The following SH3PXD2A variants were observed in gnomAD, a reference collection of about 807,000 sequenced individuals.
SH3PXD2A encodes the protein SH3 and PX domains 2A, also known as SH3 and PX domain-containing protein 2A.
Under a neutral mutation model 115.2 loss-of-function variants are expected in SH3PXD2A, and 32 were observed. The ratio of observed to expected loss-of-function variants is 0.28; its 90% CI spans 0.21 to 0.37. The LOEUF is 0.37. Ranked by LOEUF, SH3PXD2A falls within the 10% of genes least tolerant of loss-of-function variation. The pLI, the probability that SH3PXD2A is intolerant of heterozygous loss-of-function variation, is 1.00. For synonymous variants in SH3PXD2A, 610 were observed against 629.1 expected (o/e 0.97, Z 0.45); for missense variants, 1,328 against 1,498.7 (o/e 0.89, Z 1.88).
At chr10:103,752,819 G>C (rs1325869436) in intron 3 of SH3PXD2A, among the ~76,000 whole-genome samples, 2 of 152,132 alleles carry the variant, frequency 1.3e-5, no homozygotes, top group East Asian at 1.9e-4. Context: ...TCATAGGTTT[G>C]GGTTTCCAAA....
intron 2 of SH3PXD2A, among the ~76,000 whole-genome samples, chr10:103,793,318 T>A (rs979801296): frequency 6.6e-6 from 1 of 152,128 alleles, no homozygotes; most frequent in African/African-American, 2.4e-5. Flanking sequence ...AAAATATAAA[T>A]CTTGTTCTTG....
chr10:103,736,809 C>A, intron 3 of SH3PXD2A: 4 of 1,288,450 alleles, frequency 3.1e-6, no homozygotes, highest in Non-Finnish European at 4.0e-6. Flanking sequence ...TCTGTTGCCT[C>A]AGTCTACCTA....
At chr10:103,662,916 C>T (rs1248873043) in intron 7 of SH3PXD2A, among the ~76,000 whole-genome samples, 3 of 151,708 alleles carry the variant, frequency 2.0e-5, no homozygotes, top group African/African-American at 7.3e-5. Context: ...GCAATCCTCC[C>T]ACCTCAGCCT....
chr10:103,602,209 G>C lies in SH3PXD2A; in HGVS notation c.3009C>G (p.Leu1003=). The change falls in exon 15 of 15, where the codon CTC becomes CTG. Residue 1003 remains leucine, a synonymous_variant. Transcript: ENST00000369774. ...LSCALRRNES[L]TATDGLRGVR... Reference sequence around the variant, plus strand: ...CGCCTCGGAGGCCATCAGTGGCCGTGAGTGACTCATTCCTCCGCAGGGCGC... The same window carrying C: ...CGCCTCGGAGGCCATCAGTGGCCGTCAGTGACTCATTCCTCCGCAGGGCGC... 6.3e-7 allele frequency: 1 copy of C among 1,589,176 alleles called. No individual in the cohort carries two copies.
intron 13 of SH3PXD2A, chr10:103,608,597 C>G (rs1232935732): frequency 6.9e-6 from 1 of 145,954 alleles, no homozygotes; most frequent in Non-Finnish European, 1.5e-5. Flanking sequence ...TTTTCTTCAT[C>G]AAAATATTGC....
At chr10:103,698,843 G>C (rs2037857590) in intron 5 of SH3PXD2A, among the ~76,000 whole-genome samples, 1 of 152,008 alleles carries the variant, frequency 6.6e-6, no homozygotes, top group Middle Eastern at 3.2e-3. Flanking sequence ...GAACATCCCA[G>C]GTAGCTTCCT....
At chr10:103,714,422 C>T (rs571271052) in intron 5 of SH3PXD2A, among the ~76,000 whole-genome samples, 33 of 152,230 alleles carry the variant, frequency 2.2e-4, no homozygotes, top group Non-Finnish European at 3.7e-4. Context: ...ACAGAGTCAT[C>T]TTCTCTCCCT....
At chr10:103,804,452 G>T (rs541442838) in intron 1 of SH3PXD2A, among the ~76,000 whole-genome samples, 68 of 150,640 alleles carry the variant, frequency 4.5e-4, no homozygotes, top group African/African-American at 1.6e-3. Flanking sequence ...CTCCCAAGTA[G>T]CTGGGACTGC....
rs114126839 is a variant in SH3PXD2A at position 103,832,138 on chromosome 10, C to T, written c.72+23057G>A. ...AGTCTCAGTTTTCAAGTGCCTACAA[C>T]GAGCAGCAGCCCCTAATGACTCCAA... On this transcript the variant is annotated intron_variant, in intron 1 of 14. Coordinates refer to ENST00000369774, the MANE Select transcript of SH3PXD2A (RefSeq NM_001394015.1). Among the ~76,000 whole-genome samples, 621 of 152,272 alleles carry T rather than the reference C, an allele frequency of 4.1e-3. 2 individuals carry two copies. Among genetic ancestry groups the T allele is most frequent in the African/African-American group, 0.014 (586 of 41,548 alleles).
intron 13 of SH3PXD2A, among the ~76,000 whole-genome samples, chr10:103,607,130 A>T (rs2036324995): frequency 6.9e-6 from 1 of 143,892 alleles, no homozygotes; most frequent in African/African-American, 2.7e-5. Flanking sequence ...AGATGTGGGG[A>T]GTGCCTCTGC....
chr10:103,790,609 A>C (rs2039026366), intron 2 of SH3PXD2A, among the ~76,000 whole-genome samples: 1 of 152,176 alleles, frequency 6.6e-6, no homozygotes, highest in Non-Finnish European at 1.5e-5. Context: ...AATAAGGGAA[A>C]TGGGCAAGAT....
intron 1 of SH3PXD2A, among the ~76,000 whole-genome samples, chr10:103,812,648 C>G (rs2039281631): frequency 6.6e-6 from 1 of 152,202 alleles, no homozygotes; most frequent in Admixed American, 6.5e-5. Context: ...GCTTGGTTTC[C>G]TTTTCCTGGG....
At chr10:103,767,810 G>GTTTTGT (rs1490820010) in intron 2 of SH3PXD2A, among the ~76,000 whole-genome samples, 20 of 67,742 alleles carry the variant, frequency 3.0e-4, no homozygotes, top group African/African-American at 1.1e-3. Flanking sequence ...CAACTGTTTT[G>GTTTTGT]TTTTTTTTTT....
intron 8 of SH3PXD2A, among the ~76,000 whole-genome samples, chr10:103,648,566 C>T (rs931327714): frequency 1.3e-5 from 2 of 152,226 alleles, no homozygotes; most frequent in Non-Finnish European, 2.9e-5. Context: ...TCTGACATAA[C>T]CAAAAACGTC....
chr10:103,808,372 C>T (rs2039229408), intron 1 of SH3PXD2A, among the ~76,000 whole-genome samples: 1 of 152,130 alleles, frequency 6.6e-6, no homozygotes, highest in South Asian at 2.1e-4. Flanking sequence ...CTGCTTCAGC[C>T]TCCTGACTAG....
intron 1 of SH3PXD2A, among the ~76,000 whole-genome samples, chr10:103,838,719 C>A (rs2039569199): frequency 6.6e-6 from 1 of 152,192 alleles, no homozygotes; most frequent in Admixed American, 6.5e-5. Context: ...CAGCTCGGTC[C>A]TAAGTGGGGG....
At chr10:103,721,899 G>A (rs913781517) in intron 5 of SH3PXD2A, among the ~76,000 whole-genome samples, 12 of 152,080 alleles carry the variant, frequency 7.9e-5, no homozygotes, top group Non-Finnish European at 1.8e-4. Flanking sequence ...TGAAGCAGGT[G>A]GGAGAAACAG....
At chr10:103,681,949 T>G (rs2037616232) in intron 6 of SH3PXD2A, among the ~76,000 whole-genome samples, 1 of 152,082 alleles carries the variant, frequency 6.6e-6, no homozygotes, top group Admixed American at 6.5e-5. Flanking sequence ...TGGGCGTCAC[T>G]CCAGACACGC....
At position 103,753,317 on chromosome 10, in the gene SH3PXD2A, C is replaced by CAA. The variant is rs60364879; in HGVS notation, c.229+13775_229+13776dup. On this transcript the variant is annotated intron_variant, in intron 3 of 14. Transcript: ENST00000369774. ...CAACATGGTGAAACCCTGCCTCTAC[C>CAA]AAAAAAAAAAAAAAAAAAAAAAAAA... Among the ~76,000 whole-genome samples, 236 of 62,842 alleles carry CAA rather than the reference C, an allele frequency of 3.8e-3. 4 individuals carry two copies. The highest frequency in any genetic ancestry group is 0.023 in the East Asian group (28 of 1,218). 41.2% of individuals were successfully genotyped at this position (62,842 alleles called of 152,430 possible).
Sources: gnomAD v4.1 joint callset for allele counts (sites outside exome capture counted in the v4.1 genomes callset) on GRCh38, gnomAD v4.1.1 for gene constraint, MANE v1.5 for transcripts, NCBI Gene and HGNC (gene_info 2026-07-23, HGNC 2026-07-21) for gene names.